Variants in MYH9 observed in about 807,000 individuals in gnomAD.
MYH9 encodes myosin heavy chain 9, also known as myosin-9.
A neutral mutation model predicts 241.9 loss-of-function variants in MYH9; 29 were observed. That is an observed-to-expected ratio of 0.12 (90% CI 0.09 to 0.16). The LOEUF (loss-of-function observed/expected upper bound fraction) is 0.16. Among genes scored for constraint, MYH9 ranks in the 10% least tolerant of loss-of-function variants. The probability of loss-of-function intolerance (pLI) is 1.00; values close to 1 mark genes in which losing one functional copy is unlikely to be tolerated. For missense variants in MYH9, 1,803 were observed against 2,595.5 expected (o/e 0.69, Z 6.63); for synonymous variants, 1,047 against 1,062.6 (o/e 0.99, Z 0.29).
Position 36,319,449 on chromosome 22 carries a change from T to C in MYH9, c.1108+91A>G, listed in dbSNP as rs994947689. ...CAGATACTAACATTAAAAAGAATAG[T>C]GTCCGGAATTTCCGCAAGACCTTCC... On this transcript the variant is annotated intron_variant, in intron 10 of 40. Transcript: ENST00000216181. The C allele has an allele frequency of 5.2e-6, 6 of 1,150,136 alleles. No individual in the cohort carries two copies. In the African/African-American group the frequency reaches 6.1e-5, roughly 12 times the overall value. 71.2% of individuals were successfully genotyped at this position (1,150,136 alleles called of 1,614,324 possible). A position where few individuals can be genotyped will look rare whatever the true frequency, so the allele number is the denominator to read the frequency against.
intron 1 of MYH9, among the ~76,000 whole-genome samples, chr22:36,373,125 T>C (rs975880453): frequency 6.6e-6 from 1 of 152,128 alleles, no homozygotes; most frequent in African/African-American, 2.4e-5. Flanking sequence ...AACTAAACTG[T>C]TGCAACTTGT....
At chr22:36,313,623 A>G (rs1337378049) in intron 13 of MYH9, among the ~76,000 whole-genome samples, 8 of 151,412 alleles carry the variant, frequency 5.3e-5, no homozygotes, top group Non-Finnish European at 7.4e-5. Flanking sequence ...CCATCTTCAC[A>G]CAGCTAATGC....
At position 36,288,309 on chromosome 22, in the gene MYH9, G is replaced by A. The variant is rs2146331183; in HGVS notation, c.4875C>T (p.His1625=). The A allele has an allele frequency of 1.9e-6, 3 of 1,614,134 alleles. No homozygotes were observed. The highest frequency in any genetic ancestry group is 2.2e-5 in the East Asian group (1 of 44,882). ...CCCGGTTCTTGTTGGCCGAGTCGAT[G>A]TGCGCCTCCAGGTCCTTCAGGTCCA... is the stretch of plus-strand genomic sequence containing the variant. ...LEMDLKDLEA[H]IDSANKNRDE... The change falls in exon 34 of 41, where the codon CAC becomes CAT. Residue 1625 remains histidine, a synonymous_variant. Coordinates refer to ENST00000216181, the MANE Select transcript of MYH9 (RefSeq NM_002473.6). The surrounding 1 kb of genome is among the most constrained non-coding windows in gnomAD (Gnocchi z 4.8).
chr22:36,283,485 C>G (rs2008328), intron 40 of MYH9, among the ~76,000 whole-genome samples: 1 of 148,766 alleles, frequency 6.7e-6, no homozygotes, highest in Middle Eastern at 3.5e-3. Context: ...TGCAGCAAGC[C>G]GAGATTACAC....
Position 36,305,252 on chromosome 22 carries a change from AT to A in MYH9, c.2160-151del, listed in dbSNP as rs1745554811. 1 of 753,028 alleles carries A rather than the reference AT, an allele frequency of 1.3e-6. No individual in the cohort carries two copies. The highest frequency in any genetic ancestry group is 2.3e-6 in the Non-Finnish European group (1 of 434,202). 46.6% of individuals were successfully genotyped at this position (753,028 alleles called of 1,614,324 possible). On this transcript the variant is annotated intron_variant, in intron 17 of 40. Coordinates refer to ENST00000216181, the MANE Select transcript of MYH9 (RefSeq NM_002473.6). This position sits in a 1 kb window ranked among gnomAD's most constrained non-coding sequence, Gnocchi z 4.7. ...TCCTAAGGAAAGAAGACACAGGCAA[AT>A]CCCACCCCACTCTTTTCTTCGGCTG... is the stretch of plus-strand genomic sequence containing the variant.
At chr22:36,387,111 T>C (rs1275424750) in intron 1 of MYH9, among the ~76,000 whole-genome samples, 1 of 152,176 alleles carries the variant, frequency 6.6e-6, no homozygotes, top group Non-Finnish European at 1.5e-5. Flanking sequence ...TGGCCCTTCC[T>C]GTCTCGCGCC....
chr22:36,289,246 G>C lies in MYH9; in HGVS notation c.4396C>G (p.Arg1466Gly). 1.2e-6 allele frequency: 2 copies of C among 1,612,714 alleles called. No homozygotes were observed. Among genetic ancestry groups the C allele is most frequent in the Non-Finnish European group, 1.7e-6 (2 of 1,179,998 alleles). Residue 1466 changes from arginine (R) to glycine (G), a missense_variant, in exon 32 of 41, where the codon CGG becomes GGG. By Grantham distance (125) the Arg-to-Gly change is moderately radical. This residue lies in a region of MYH9 where 876 missense variants were observed against 1,077.8 expected (regional missense o/e 0.81). Coordinates refer to ENST00000216181, the MANE Select transcript of MYH9 (RefSeq NM_002473.6). ...ISAKYAEERD[R>G]AEAEAREKET... ...TTCTCTCGGGCCTCCGCCTCAGCCC[G>C]GTCGCGCTCCTCTGCATACTTGGCA...
At position 36,285,454 on chromosome 22, in the gene MYH9, C is replaced by A; in HGVS notation, c.5275-125G>T. On this transcript the variant is annotated intron_variant, in intron 37 of 40. Coordinates refer to ENST00000216181, the MANE Select transcript of MYH9 (RefSeq NM_002473.6). This position sits in a 1 kb window ranked among gnomAD's most constrained non-coding sequence, Gnocchi z 7.0. ...TTGGGGTCCAGAGTCTTGGGTCTCC[C>A]AGAAAAGGGAAGATTAGAAACTTCT... is the stretch of plus-strand genomic sequence containing the variant. The A allele has an allele frequency of 7.5e-7, 1 of 1,327,786 alleles. No individual in the cohort carries two copies. The allele number at this position is 1,327,786 out of a possible 1,614,324, so 82.3% of individuals were successfully genotyped here. A position where few individuals can be genotyped will look rare whatever the true frequency, so the allele number is the denominator to read the frequency against.
intron 3 of MYH9, among the ~76,000 whole-genome samples, chr22:36,337,194 A>G (rs1200392127): frequency 6.6e-6 from 1 of 152,144 alleles, no homozygotes. Context: ...GTCTGAGAAT[A>G]TTTTTGGTTG....
chr22:36,291,890 C>A, intron 31 of MYH9, 96 bp downstream of exon 31: 1 of 1,592,986 alleles, frequency 6.3e-7, no homozygotes, highest in Non-Finnish European at 8.6e-7. Flanking sequence ...CCGGCGAGAC[C>A]CTGAGGGAGC....
chr22:36,295,801 C>T lies in MYH9; in HGVS notation c.3273-84G>A. ...TTGCAGGACAGGCCTGAGAGAGCTG[C>T]AGCAGCCAAAGCTGCCTCCTGTGGT... On this transcript the variant is annotated intron_variant, in intron 25 of 40. Transcript: ENST00000216181. This position sits in a 1 kb window ranked among gnomAD's most constrained non-coding sequence, Gnocchi z 4.1. 2.3e-6 allele frequency: 3 copies of T among 1,327,566 alleles called. No individual in the cohort carries two copies. The highest frequency in any genetic ancestry group is 1.2e-5 in the South Asian group (1 of 80,954). 82.2% of individuals were successfully genotyped at this position (1,327,566 alleles called of 1,614,324 possible).
rs1258719109 is a variant in MYH9, at chr22:36,338,025, T to C, written c.490+3345A>G. Among the ~76,000 whole-genome samples, 12 of 151,700 alleles carry C rather than the reference T, an allele frequency of 7.9e-5. No individual in the cohort carries two copies. The East Asian group carries it at 2.3e-3, about 29-fold the overall frequency. On this transcript the variant is annotated intron_variant, in intron 3 of 40. Coordinates refer to ENST00000216181, the MANE Select transcript of MYH9 (RefSeq NM_002473.6). Reference sequence around the variant, plus strand: ...TTTTTTTTTTTTAATTGAGACCAAGTCTCGCTCTGTTGCCCAGGCTGGAGT... The same window carrying C: ...TTTTTTTTTTTTAATTGAGACCAAGCCTCGCTCTGTTGCCCAGGCTGGAGT...
rs1429969261 is a variant in MYH9, at chr22:36,281,607, C to T, written c.*1061G>A. 4 of 230,164 alleles carry T rather than the reference C, an allele frequency of 1.7e-5. No homozygotes were observed. Among genetic ancestry groups the T allele is most frequent in the Non-Finnish European group, 3.4e-5 (4 of 115,982 alleles). 14.3% of individuals were successfully genotyped at this position (230,164 alleles called of 1,614,324 possible). ...GGCAACCAGTGTAGACCAGTGAGGA[C>T]GAGCTACTCTCTTCTAAACAAAGGC... On this transcript the variant is annotated 3_prime_UTR_variant, in exon 41 of 41. Transcript: ENST00000216181.
In MYH9 at chr22:36,281,532, G is replaced by GT. The variant is rs1434845382; in HGVS notation, c.*1135dup. The GT allele has an allele frequency of 2.6e-5, 6 of 227,458 alleles. No individual in the cohort carries two copies. The highest frequency in any genetic ancestry group is 6.7e-5 in the African/African-American group (3 of 44,860). 14.1% of individuals were successfully genotyped at this position (227,458 alleles called of 1,614,324 possible). Reference sequence around the variant, plus strand: ...TAAAAAAAAAAAATGCCTTCTTGCCGTAAGTCTCAATGCAGCATATACAAA... The same window carrying GT: ...TAAAAAAAAAAAATGCCTTCTTGCCGTTAAGTCTCAATGCAGCATATACAAA... On this transcript the variant is annotated 3_prime_UTR_variant, in exon 41 of 41. Transcript: ENST00000216181.
In MYH9 at chr22:36,319,576, G is replaced by A. The variant is rs2017217011; in HGVS notation, c.1072C>T (p.Arg358Trp). 3.1e-6 allele frequency: 5 copies of A among 1,614,114 alleles called. No homozygotes were observed. Among genetic ancestry groups the A allele is most frequent in the Non-Finnish European group, 4.2e-6 (5 of 1,180,020 alleles). ...QLGNIVFKKE[R>W]NTDQASMPDN... is the part of the protein sequence containing the mutation. ...GGCATGGACGCCTGGTCAGTGTTCC[G>A]CTCCTTCTTGAAGACGATGTTGCCG... Residue 358 changes from arginine (R) to tryptophan (W), a missense_variant, in exon 10 of 41, where the codon CGG becomes TGG. Arg to Trp is a moderately radical substitution (Grantham distance 101, BLOSUM62 -3). This residue lies in a region of MYH9 where 222 missense variants were observed against 359.9 expected (regional missense o/e 0.62). Coordinates refer to ENST00000216181, the MANE Select transcript of MYH9 (RefSeq NM_002473.6).
In MYH9 at chr22:36,282,610, G is replaced by A; in HGVS notation, c.*58C>T. On this transcript the variant is annotated 3_prime_UTR_variant, in exon 41 of 41. Transcript: ENST00000216181. The stretch of plus-strand genomic sequence containing the variant: ...GGGGAGAGGCGTGCTGCGGGGTCTG[G>A]GAAGGGGAGGCTGTGGTGTCTGTCT... The A allele has an allele frequency of 6.6e-7, 1 of 1,520,582 alleles. No individual in the cohort carries two copies. Among genetic ancestry groups the A allele is most frequent in the South Asian group, 1.1e-5 (1 of 89,354 alleles). 94.2% of individuals were successfully genotyped at this position (1,520,582 alleles called of 1,614,324 possible).
At chr22:36,313,157 A>G (rs1456206000) in intron 13 of MYH9, among the ~76,000 whole-genome samples, 1 of 148,572 alleles carries the variant, frequency 6.7e-6, no homozygotes, top group African/African-American at 2.5e-5. Context: ...TCAATTAACC[A>G]TAATCAAAAG....
intron 3 of MYH9, among the ~76,000 whole-genome samples, chr22:36,335,490 C>T (rs2017484672): frequency 6.6e-6 from 1 of 152,244 alleles, no homozygotes; most frequent in Admixed American, 6.5e-5. Flanking sequence ...GCGCTCCTTC[C>T]TCAGCTGCCT....
chr22:36,311,131 C>A (rs764983697), intron 14 of MYH9, among the ~76,000 whole-genome samples: 8 of 152,206 alleles, frequency 5.3e-5, no homozygotes, highest in Non-Finnish European at 8.8e-5. Context: ...GCAGCCCCTG[C>A]CTAATCACAG....
Sources: gnomAD v4.1 joint callset for allele counts (sites outside exome capture counted in the v4.1 genomes callset) on GRCh38, gnomAD v4.1.1 for gene constraint, gnomAD v4.1.1 regional missense constraint, Gnocchi (gnomAD v3.1) non-coding constraint, MANE v1.5 for transcripts, NCBI Gene and HGNC (gene_info 2026-07-23, HGNC 2026-07-21) for gene names.